The following SLC5A1 variants were observed in gnomAD, a reference collection of about 807,000 sequenced individuals.
SLC5A1 encodes the protein solute carrier family 5 member 1.
SLC5A1 carries 42 observed loss-of-function variants against 73.5 expected under a neutral mutation model. The observed-to-expected ratio is 0.57, with a 90% CI of 0.45 to 0.74. SLC5A1 has a LOEUF of 0.74. Among genes scored for constraint, SLC5A1 ranks in the 30% least tolerant of loss-of-function variants. The pLI is 0.00. For synonymous variants in SLC5A1, 300 were observed against 317.4 expected, an observed-to-expected ratio of 0.95 and a Z score of 0.58; for missense variants, 634 against 855.4, an observed-to-expected ratio of 0.74 and a Z score of 3.23.
At chr22:32,105,925 C>A (rs2149498684) in intron 14 of SLC5A1, among the ~76,000 whole-genome samples, 1 of 152,314 alleles carries the variant, frequency 6.6e-6, no homozygotes. Context: ...CTCATTCTTT[C>A]TTTATGGCTG....
At chr22:32,100,301 T>A (rs1007892509) in intron 12 of SLC5A1, among the ~76,000 whole-genome samples, 25 of 152,322 alleles carry the variant, frequency 1.6e-4, no homozygotes, top group East Asian at 5.8e-4. Context: ...CAATTTGACT[T>A]CTTCTTTTCC....
intron 3 of SLC5A1, among the ~76,000 whole-genome samples, chr22:32,067,474 C>T (rs1235094822): frequency 6.6e-6 from 1 of 151,676 alleles, no homozygotes; most frequent in Non-Finnish European, 1.5e-5. Flanking sequence ...TGGGCTCAAG[C>T]GATGTTCCCA....
At chr22:32,091,839 G>A (rs2094018431) in intron 11 of SLC5A1, 77 bp downstream of exon 11, 1 of 1,510,398 alleles carries the variant, frequency 6.6e-7, no homozygotes, top group Non-Finnish European at 9.2e-7. Context: ...TCAAGCTAGG[G>A]AAGGTTGGCA....
chr22:32,081,518 A>G (rs773337351), intron 5 of SLC5A1, among the ~76,000 whole-genome samples: 15 of 152,238 alleles, frequency 9.9e-5, no homozygotes, highest in Non-Finnish European at 2.2e-4. Flanking sequence ...GCTCAGAGCA[A>G]CAGTCTACAG....
intron 11 of SLC5A1, among the ~76,000 whole-genome samples, chr22:32,098,277 T>G (rs1208184933): frequency 2.0e-5 from 3 of 152,210 alleles, no homozygotes; most frequent in Non-Finnish European, 2.9e-5. Context: ...AGATCTTAGT[T>G]TGTATTGTAC....
At chr22:32,044,080 A>G (rs1012502770) in intron 1 of SLC5A1, among the ~76,000 whole-genome samples, 13 of 152,342 alleles carry the variant, frequency 8.5e-5, no homozygotes, top group African/African-American at 3.1e-4. Flanking sequence ...CTCTGGGGAC[A>G]CAGCAAACCA....
At position 32,111,503 on chromosome 22, in the gene SLC5A1, C is replaced by T. The variant is rs898656187; in HGVS notation, c.*1290C>T. 3 of 152,128 alleles carry T rather than the reference C, an allele frequency of 2.0e-5. No homozygotes were observed. Among genetic ancestry groups the T allele is most frequent in the Non-Finnish European group, 4.4e-5 (3 of 68,020 alleles). The allele number at this position is 152,128 out of a possible 1,614,324, so 9.4% of individuals were successfully genotyped here. A position where few individuals can be genotyped will look rare whatever the true frequency, so the allele number is the denominator to read the frequency against. On this transcript the variant is annotated 3_prime_UTR_variant, in exon 15 of 15. Coordinates refer to ENST00000266088, the MANE Select transcript of SLC5A1 (RefSeq NM_000343.4). Reference sequence around the variant, plus strand: ...AGTCTTGAAGAGATACTAAACAAACCCACAACACAGATAAAGTATGCATTT... The same window carrying T: ...AGTCTTGAAGAGATACTAAACAAACTCACAACACAGATAAAGTATGCATTT...
At chr22:32,068,369 C>T in intron 4 of SLC5A1, 127 bp from the exon 5 acceptor site, 1 of 764,774 alleles carries the variant, frequency 1.3e-6, no homozygotes, top group Non-Finnish European at 2.3e-6. Flanking sequence ...ACTTCTCTGG[C>T]CAGCAAAAGT....
chr22:32,064,160 C>T (rs1288342553), intron 2 of SLC5A1, among the ~76,000 whole-genome samples: 1 of 152,114 alleles, frequency 6.6e-6, no homozygotes, highest in African/African-American at 2.4e-5. Context: ...GATAGTGGGT[C>T]AGGGCAGGTA....
intron 14 of SLC5A1, among the ~76,000 whole-genome samples, chr22:32,109,125 G>T (rs752359571): frequency 1.3e-5 from 2 of 152,138 alleles, no homozygotes; most frequent in Admixed American, 6.5e-5. Flanking sequence ...AGTGAGCTAT[G>T]ATTACCCCAC....
At chr22:32,085,546 CTTT>C (rs35772243) in intron 9 of SLC5A1, among the ~76,000 whole-genome samples, 2 of 119,140 alleles carry the variant, frequency 1.7e-5, no homozygotes, top group African/African-American at 3.1e-5. Flanking sequence ...TTGTTTCCTC[CTTT>C]TTTTTTTTTT....
chr22:32,108,207 C>T (rs150946130), intron 14 of SLC5A1, among the ~76,000 whole-genome samples: 1,808 of 151,740 alleles, frequency 0.012, 31 homozygotes, highest in African/African-American at 0.041. Context: ...CCCGGGTTCA[C>T]GCCATTCTCC....
At chr22:32,055,403 A>T (rs1348919717) in intron 2 of SLC5A1, among the ~76,000 whole-genome samples, 1 of 152,230 alleles carries the variant, frequency 6.6e-6, no homozygotes, top group Non-Finnish European at 1.5e-5. Context: ...ATGATCCAAG[A>T]TTAAATCTTT....
At position 32,110,099 on chromosome 22, in the gene SLC5A1, C is replaced by CATGAAG; in HGVS notation, c.1892_1897dup (p.Lys631_Met632dup). ...AGATGACTGAGGAAGAGGAGAAAGC[C>CATGAAG]ATGAAGATGAAGATGACGGACACCT... On this transcript the variant is annotated inframe_insertion, in exon 15 of 15. Transcript: ENST00000266088. The CATGAAG allele has an allele frequency of 1.2e-6, 2 of 1,614,020 alleles. No individual in the cohort carries two copies. Among genetic ancestry groups the CATGAAG allele is most frequent in the South Asian group, 1.1e-5 (1 of 91,080 alleles).
In SLC5A1 at chr22:32,070,879, TGAAAA is replaced by T. The variant is rs915730620; in HGVS notation, c.477+2300_477+2304del. 2.2e-4 allele frequency among the ~76,000 whole-genome samples: 34 copies of T among 151,874 alleles called. 1 individual carries two copies. Among genetic ancestry groups the T allele is most frequent in the East Asian group, 1.9e-3 (10 of 5,172 alleles). ...TCTGATAAAGGTTAAAGCAATGGTA[TGAAAA>T]GAAAAGAAAAGAAAAGAAAATGTAA... On this transcript the variant is annotated intron_variant, in intron 5 of 14. Coordinates refer to ENST00000266088, the MANE Select transcript of SLC5A1 (RefSeq NM_000343.4).
intron 2 of SLC5A1, among the ~76,000 whole-genome samples, chr22:32,061,660 G>C (rs985300345): frequency 6.6e-6 from 1 of 152,182 alleles, no homozygotes; most frequent in African/African-American, 2.4e-5. Flanking sequence ...AAATAACAGA[G>C]AGGCAGATTC....
At chr22:32,056,821 C>T (rs763489596) in intron 2 of SLC5A1, among the ~76,000 whole-genome samples, 1 of 152,176 alleles carries the variant, frequency 6.6e-6, no homozygotes, top group Non-Finnish European at 1.5e-5. Context: ...CTATGATGAC[C>T]TTGTTTCCTC....
chr22:32,099,084 C>CA (rs869158260), intron 11 of SLC5A1, 99 bp from the exon 12 acceptor site: 22 of 92,276 alleles, frequency 2.4e-4, no homozygotes, highest in East Asian at 4.4e-4. Flanking sequence ...GACTCTGTCT[C>CA]AAAAAAAAAA....
At chr22:32,104,974 A>G in intron 14 of SLC5A1, 83 bp downstream of exon 14, 1 of 1,000,274 alleles carries the variant, frequency 1.0e-6, no homozygotes, top group East Asian at 2.4e-5. Context: ...TTCCCTAAAT[A>G]ATTTTATCAG....
Sources: gnomAD v4.1 joint callset for allele counts (sites outside exome capture counted in the v4.1 genomes callset) on GRCh38, gnomAD v4.1.1 for gene constraint, MANE v1.5 for transcripts, NCBI Gene and HGNC (gene_info 2026-07-23, HGNC 2026-07-21) for gene names.